PPARGC1A: variants seen among roughly 807,000 people sequenced by gnomAD.
PPARGC1A encodes peroxisome proliferator-activated receptor gamma coactivator 1-alpha.
In PPARGC1A, 25 loss-of-function variants were observed where a neutral mutation model predicts 88.7. The ratio of observed to expected loss-of-function variants is 0.28; its 90% CI spans 0.21 to 0.39. The LOEUF is 0.39. PPARGC1A is among the 10% of genes least tolerant of loss of function. PPARGC1A has a pLI of 1.00. For missense variants in PPARGC1A, 880 were observed against 968.7 expected (o/e 0.91, Z 1.22); for synonymous variants, 363 against 355.6 (o/e 1.02, Z -0.24).
At chr4:24,124,295 C>G in the PPARGC1A span, among the ~76,000 whole-genome samples, 2 of 152,136 alleles carry the variant, frequency 1.3e-5, no homozygotes, top group East Asian at 3.8e-4. Flanking sequence ...AATAGTACAG[C>G]TTAGCTGGGA....
the PPARGC1A span, among the ~76,000 whole-genome samples, chr4:24,009,073 A>G: frequency 1.4e-5 from 2 of 143,522 alleles, no homozygotes; most frequent in African/African-American, 2.6e-5. Context: ...TCTGGCATTA[A>G]TTATTATGGT....
chr4:24,326,885 G>C, the PPARGC1A span, among the ~76,000 whole-genome samples: 1 of 152,218 alleles, frequency 6.6e-6, no homozygotes, highest in African/African-American at 2.4e-5. Flanking sequence ...ACTTTTAGAG[G>C]CCTTTCCTAC....
chr4:24,312,482 T>C, the PPARGC1A span, among the ~76,000 whole-genome samples: 1 of 152,038 alleles, frequency 6.6e-6, no homozygotes, highest in East Asian at 1.9e-4. Context: ...GGGTGTTCTG[T>C]AGAAGAATCA....
the PPARGC1A span, among the ~76,000 whole-genome samples, chr4:24,455,721 T>A: frequency 6.6e-6 from 1 of 152,216 alleles, no homozygotes; most frequent in Non-Finnish European, 1.5e-5. Flanking sequence ...GAGCTTATTA[T>A]AAGAGGGAGC....
the PPARGC1A span, among the ~76,000 whole-genome samples, chr4:24,099,703 G>A: frequency 6.6e-6 from 1 of 152,064 alleles, no homozygotes; most frequent in Non-Finnish European, 1.5e-5. Flanking sequence ...GGTTCTTGTG[G>A]CTGTTGTAAA....
chr4:24,360,677 T>A, the PPARGC1A span, among the ~76,000 whole-genome samples: 1 of 152,164 alleles, frequency 6.6e-6, no homozygotes, highest in Non-Finnish European at 1.5e-5. Flanking sequence ...GCACAGCAGT[T>A]GAGGTGTTGC....
chr4:23,805,631 A>G (rs979364962), intron 10 of PPARGC1A, among the ~76,000 whole-genome samples: 1 of 152,210 alleles, frequency 6.6e-6, no homozygotes, highest in African/African-American at 2.4e-5. Flanking sequence ...ATAACACCAC[A>G]TTCCATTCTG....
the PPARGC1A span, among the ~76,000 whole-genome samples, chr4:24,317,596 A>AAAAAAAC: frequency 4.6e-5 from 6 of 131,206 alleles, no homozygotes; most frequent in African/African-American, 1.3e-4. Context: ...AAAAAAAAAA[A>AAAAAAAC]CACCACCACC....
At chr4:23,879,348 C>T (rs1043343853) in intron 2 of PPARGC1A, among the ~76,000 whole-genome samples, 4 of 152,114 alleles carry the variant, frequency 2.6e-5, no homozygotes, top group South Asian at 2.1e-4. Flanking sequence ...GCAGACACCA[C>T]GTAAATTTGT....
At chr4:23,850,624 G>A (rs1729112750) in intron 2 of PPARGC1A, among the ~76,000 whole-genome samples, 1 of 152,178 alleles carries the variant, frequency 6.6e-6, no homozygotes. Flanking sequence ...AAAATATCTA[G>A]GTTGAAAATT....
the PPARGC1A span, among the ~76,000 whole-genome samples, chr4:23,986,686 G>A: frequency 6.6e-6 from 1 of 152,016 alleles, no homozygotes; most frequent in African/African-American, 2.4e-5. Context: ...AATTGAGGCT[G>A]AGAAAAGTCA....
At chr4:24,472,318 G>A in the PPARGC1A span, among the ~76,000 whole-genome samples, 1 of 149,524 alleles carries the variant, frequency 6.7e-6, no homozygotes, top group East Asian at 2.0e-4. This position sits in a 1 kb window ranked among gnomAD's most constrained non-coding sequence, Gnocchi z 4.5. Flanking sequence ...AGTACCAAGT[G>A]AGCGCGCGGC....
chr4:23,869,447 A>G (rs1393856140), intron 2 of PPARGC1A, among the ~76,000 whole-genome samples: 6 of 152,142 alleles, frequency 3.9e-5, no homozygotes, highest in Non-Finnish European at 7.4e-5. Context: ...TGAGCTGTGC[A>G]TTCTCAGGTG....
chr4:24,437,992 G>A, the PPARGC1A span, among the ~76,000 whole-genome samples: 2 of 152,220 alleles, frequency 1.3e-5, no homozygotes. Context: ...CAGGGTTTCA[G>A]CTGGAGAGTG....
the PPARGC1A span, among the ~76,000 whole-genome samples, chr4:23,977,664 C>T: frequency 5.9e-5 from 9 of 152,000 alleles, no homozygotes; most frequent in African/African-American, 1.4e-4. Context: ...TTGTCCTGCA[C>T]GTGTATCCTG....
chr4:23,910,300 A>T, the PPARGC1A span, among the ~76,000 whole-genome samples: 1 of 61,180 alleles, frequency 1.6e-5, no homozygotes. Context: ...TATATATATT[A>T]ACCCTATATA....
At chr4:24,245,733 A>T in the PPARGC1A span, among the ~76,000 whole-genome samples, 1 of 152,244 alleles carries the variant, frequency 6.6e-6, no homozygotes, top group Non-Finnish European at 1.5e-5. Flanking sequence ...GCTGCTAGAC[A>T]ATGGCAGAAT....
At chr4:24,173,844 A>G in the PPARGC1A span, among the ~76,000 whole-genome samples, 1 of 152,220 alleles carries the variant, frequency 6.6e-6, no homozygotes, top group Admixed American at 6.5e-5. Flanking sequence ...GTTATCACCC[A>G]TCATTGCCAC....
At chr4:24,053,912 C>A in the PPARGC1A span, among the ~76,000 whole-genome samples, 1 of 152,164 alleles carries the variant, frequency 6.6e-6, no homozygotes, top group Admixed American at 6.5e-5. Context: ...CCTAACTCTC[C>A]ACCAGCCATA....
Sources: gnomAD v4.1 joint callset for allele counts (sites outside exome capture counted in the v4.1 genomes callset) on GRCh38, gnomAD v4.1.1 for gene constraint, Gnocchi (gnomAD v3.1) non-coding constraint, MANE v1.5 for transcripts, NCBI Gene and HGNC (gene_info 2026-07-23, HGNC 2026-07-21) for gene names.